The following CFAP74 variants were observed in gnomAD, a reference collection of about 807,000 sequenced individuals.
CFAP74 encodes the protein cilia- and flagella-associated protein 74.
A neutral mutation model predicts 188.9 loss-of-function variants in CFAP74; 124 were observed. The observed-to-expected ratio is 0.66, with a 90% CI of 0.57 to 0.76. CFAP74 has a LOEUF of 0.76. Ranked by LOEUF, CFAP74 falls within the 30% of genes least tolerant of loss-of-function variation. CFAP74 has a pLI of 0.00. For synonymous variants in CFAP74, 956 were observed against 916.7 expected (o/e 1.04, Z -0.77); for missense variants, 2,198 against 2,165.2 (o/e 1.02, Z -0.30).
chr1:1,936,173 C>T (rs1268873208), intron 25 of CFAP74, among the ~76,000 whole-genome samples: 1 of 145,594 alleles, frequency 6.9e-6, no homozygotes, highest in Non-Finnish European at 1.5e-5. Context: ...GCCGAGATTG[C>T]GCCATTGCAC....
In CFAP74 at chr1:1,988,468, G is replaced by A. The variant is rs776289726; in HGVS notation, c.296+44C>T. On this transcript the variant is annotated intron_variant, in intron 4 of 38. Coordinates refer to ENST00000682832, the MANE Select transcript of CFAP74 (RefSeq NM_001304360.2). ...TGCTGCACCCATGTCACGGCCTGGG[G>A]GGCATCAAGAGGTGCAGGTGCAGCG... 2.5e-6 allele frequency: 4 copies of A among 1,602,626 alleles called. No individual in the cohort carries two copies. The Admixed American group carries it at 5.0e-5, about 20-fold the overall frequency.
At chr1:1,970,912 C>T (rs1655923547) in intron 9 of CFAP74, 96 bp from the exon 10 acceptor site, 2 of 1,269,064 alleles carry the variant, frequency 1.6e-6, no homozygotes, top group Admixed American at 1.9e-5. Flanking sequence ...TTCATACATG[C>T]ACACGTGCAC....
rs950867671 is a variant in CFAP74, at chr1:1,954,786, A to T, written c.2176+905T>A. The T allele has an allele frequency of 8.2e-6, 9 of 1,103,546 alleles. No individual in the cohort carries two copies. In the African/African-American group the frequency reaches 1.5e-4, roughly 19 times the overall value. 68.4% of individuals were successfully genotyped at this position (1,103,546 alleles called of 1,614,324 possible). A position where few individuals can be genotyped will look rare whatever the true frequency, so the allele number is the denominator to read the frequency against. On this transcript the variant is annotated intron_variant, in intron 18 of 38. Coordinates refer to ENST00000682832, the MANE Select transcript of CFAP74 (RefSeq NM_001304360.2). ...CGACAGAGACCCTGTCTCAACATAA[A>T]AAGAACTCACTTTGGTATTAGCTGA...
chr1:1,966,542 G>A lies in CFAP74; in HGVS notation c.1246-16C>T. The stretch of plus-strand genomic sequence containing the variant: ...CCTCGTAGTCCTGCAGTCGGGGAGA[G>A]GAACATCGCAAAGACACGCTCATGA... On this transcript the variant is annotated splice_polypyrimidine_tract_variant and intron_variant, in intron 11 of 38. Transcript: ENST00000682832. 1 of 1,515,818 alleles carries A rather than the reference G, an allele frequency of 6.6e-7. No individual in the cohort carries two copies. Among genetic ancestry groups the A allele is most frequent in the Non-Finnish European group, 8.9e-7 (1 of 1,127,604 alleles). The allele number at this position is 1,515,818 out of a possible 1,614,324, so 93.9% of individuals were successfully genotyped here. A position where few individuals can be genotyped will look rare whatever the true frequency, so the allele number is the denominator to read the frequency against.
At chr1:1,945,971 C>T (rs1188025153) in intron 20 of CFAP74, among the ~76,000 whole-genome samples, 4 of 99,304 alleles carry the variant, frequency 4.0e-5, no homozygotes, top group Non-Finnish European at 6.7e-5. Context: ...TGCGTTTGTG[C>T]GTGTGGGGGG....
rs1354384628 is a variant in CFAP74, at chr1:1,975,689, G to A, written c.501-1491C>T. On this transcript the variant is annotated intron_variant, in intron 6 of 38. Coordinates refer to ENST00000682832, the MANE Select transcript of CFAP74 (RefSeq NM_001304360.2). The surrounding 1 kb of genome is among the most constrained non-coding windows in gnomAD (Gnocchi z 4.5). ...TTGCTCCCCAAGTCTGGGGGACTCC[G>A]CGGAGCTTCCACGGGCGGGTTATTT... Among the ~76,000 whole-genome samples the A allele has an allele frequency of 1.3e-5, 2 of 152,122 alleles. No individual in the cohort carries two copies. Among genetic ancestry groups the A allele is most frequent in the African/African-American group, 2.4e-5 (1 of 41,422 alleles).
intron 18 of CFAP74, among the ~76,000 whole-genome samples, chr1:1,949,006 C>CCTT (rs143917070): frequency 2.1e-4 from 11 of 53,316 alleles, no homozygotes; most frequent in African/African-American, 2.5e-4. Flanking sequence ...TCCCTTCCTT[C>CCTT]CCCTTCCCCT....
intron 21 of CFAP74, among the ~76,000 whole-genome samples, chr1:1,943,463 G>A (rs546384914): frequency 1.3e-5 from 2 of 152,366 alleles, no homozygotes; most frequent in East Asian, 1.9e-4. Flanking sequence ...TGGGGCCGGT[G>A]CCCGGGGCCT....
At chr1:1,924,264 CCG>C (rs369481418) in intron 34 of CFAP74, 125 bp downstream of exon 34, 26,597 of 247,540 alleles carry the variant, frequency 0.11, 5,758 homozygotes, top group Admixed American at 0.25. Flanking sequence ...TGCCAGTTCA[CCG>C]CCCGCAGCCC....
At chr1:1,931,514 A>G (rs1421904995) in intron 25 of CFAP74, among the ~76,000 whole-genome samples, 1 of 147,740 alleles carries the variant, frequency 6.8e-6, no homozygotes, top group African/African-American at 2.5e-5. Context: ...AGGCGGGCGG[A>G]TCACAAGGTC....
At chr1:1,952,544 A>C (rs978184527) in intron 18 of CFAP74, among the ~76,000 whole-genome samples, 1 of 151,620 alleles carries the variant, frequency 6.6e-6, no homozygotes, top group African/African-American at 2.4e-5. Flanking sequence ...AGAAAGAAAG[A>C]AAAAAGGAAG....
intron 2 of CFAP74, among the ~76,000 whole-genome samples, chr1:1,989,912 GA>G (rs1657472050): frequency 1.3e-5 from 2 of 152,188 alleles, no homozygotes; most frequent in Non-Finnish European, 2.9e-5. Flanking sequence ...CCTGTGAGGT[GA>G]AAACTGTCTT....
chr1:1,922,504 C>T, intron 38 of CFAP74, 85 bp downstream of exon 38: 8 of 1,561,388 alleles, frequency 5.1e-6, no homozygotes, highest in South Asian at 3.6e-5. Flanking sequence ...CGGCCACCTC[C>T]TCCCCTGGGA....
At chr1:1,998,502 C>A (rs182611920) in intron 1 of CFAP74, among the ~76,000 whole-genome samples, 1 of 152,218 alleles carries the variant, frequency 6.6e-6, no homozygotes, top group African/African-American at 2.4e-5. Context: ...GGGACGGGCA[C>A]CTGGGGCTTC....
intron 8 of CFAP74, among the ~76,000 whole-genome samples, 191 bp from the exon 9 acceptor site, chr1:1,972,273 C>T (rs13303201): frequency 8.5e-5 from 13 of 152,152 alleles, no homozygotes; most frequent in Admixed American, 3.3e-4. Flanking sequence ...AGTGACACAG[C>T]GATGCCGTGT....
chr1:1,936,624 C>T (rs2102041708), intron 25 of CFAP74, among the ~76,000 whole-genome samples: 1 of 152,190 alleles, frequency 6.6e-6, no homozygotes, highest in South Asian at 2.1e-4. Context: ...AGGAGGAGAG[C>T]CGCGCACAGT....
chr1:1,999,533 C>T (rs114700920), intron 1 of CFAP74, among the ~76,000 whole-genome samples: 2,198 of 152,206 alleles, frequency 0.014, 54 homozygotes, highest in African/African-American at 0.05. Context: ...AATTTTCATT[C>T]AGGCCAGGTG....
At chr1:1,976,228 C>A (rs750835843) in intron 6 of CFAP74, among the ~76,000 whole-genome samples, 1 of 152,238 alleles carries the variant, frequency 6.6e-6, no homozygotes, top group Non-Finnish European at 1.5e-5. Flanking sequence ...GCGTGTCCCC[C>A]GCAGGTCTCG....
chr1:1,964,889 T>A lies in CFAP74; in HGVS notation c.1574A>T (p.Gln525Leu). The change falls in exon 13 of 39, where the codon CAG becomes CTG. Residue 525 changes from glutamine (Q) to leucine (L), a missense_variant and splice_region_variant. Coordinates refer to ENST00000682832, the MANE Select transcript of CFAP74 (RefSeq NM_001304360.2). ...FNSKPELLHF[Q>L]DFDIGKVYKK... Reference sequence around the variant, plus strand: ...TTCCTGGCCCAGCTGCGGGCTCACCTGGAAGTGGAGGAGCTCCGGTTTGCT... The same window carrying A: ...TTCCTGGCCCAGCTGCGGGCTCACCAGGAAGTGGAGGAGCTCCGGTTTGCT... The A allele has an allele frequency of 6.2e-7, 1 of 1,613,582 alleles. No individual in the cohort carries two copies. Among genetic ancestry groups the A allele is most frequent in the Non-Finnish European group, 8.5e-7 (1 of 1,179,898 alleles).
Sources: gnomAD v4.1 joint callset for allele counts (sites outside exome capture counted in the v4.1 genomes callset) on GRCh38, gnomAD v4.1.1 for gene constraint, Gnocchi (gnomAD v3.1) non-coding constraint, MANE v1.5 for transcripts, NCBI Gene and HGNC (gene_info 2026-07-23, HGNC 2026-07-21) for gene names.